FLT1: variants seen among roughly 807,000 people sequenced by gnomAD.
FLT1 encodes the protein vascular endothelial growth factor receptor 1.
Under a neutral mutation model 156.3 loss-of-function variants are expected in FLT1, and 49 were observed. That is an observed-to-expected ratio of 0.31 (90% CI 0.25 to 0.40). The LOEUF is 0.40. Among genes scored for constraint, FLT1 ranks in the 10% least tolerant of loss-of-function variants. The pLI, the probability that FLT1 is intolerant of heterozygous loss-of-function variation, is 1.00. For missense variants in FLT1, 1,322 were observed against 1,637.2 expected (o/e 0.81, Z 3.32); for synonymous variants, 594 against 583.8 (o/e 1.02, Z -0.25).
chr13:28,412,322 TTTC>T, intron 10 of FLT1, among the ~76,000 whole-genome samples: 1 of 36,286 alleles, frequency 2.8e-5, no homozygotes, highest in African/African-American at 6.7e-5. Flanking sequence ...TCTTTCTTTC[TTTC>T]TTTCTTTTCT....
At chr13:28,427,017 C>T (rs899276820) in intron 10 of FLT1, 142 bp downstream of exon 10, 6 of 785,360 alleles carry the variant, frequency 7.6e-6, no homozygotes, top group African/African-American at 3.4e-5. Flanking sequence ...CTGTTGCCCA[C>T]CTTTTTCCAA....
At chr13:28,348,990 C>T (rs546539228) in intron 15 of FLT1, among the ~76,000 whole-genome samples, 2 of 152,172 alleles carry the variant, frequency 1.3e-5, no homozygotes, top group Non-Finnish European at 2.9e-5. Context: ...TAGACCACCA[C>T]CTCTGTTGCA....
chr13:28,416,300 G>A (rs1205723840), intron 10 of FLT1, among the ~76,000 whole-genome samples: 4 of 152,180 alleles, frequency 2.6e-5, no homozygotes, highest in Non-Finnish European at 5.9e-5. Context: ...ATCTCTTGAT[G>A]TCACCACACT....
intron 1 of FLT1, among the ~76,000 whole-genome samples, chr13:28,488,699 T>G (rs1404713918): frequency 1.3e-5 from 2 of 152,084 alleles, no homozygotes; most frequent in Non-Finnish European, 2.9e-5. Flanking sequence ...TAAGAACATG[T>G]CTCGCACCTA....
At chr13:28,437,598 A>G (rs1878101907) in intron 4 of FLT1, among the ~76,000 whole-genome samples, 1 of 152,162 alleles carries the variant, frequency 6.6e-6, no homozygotes, top group South Asian at 2.1e-4. Flanking sequence ...TCATAGGTTT[A>G]GTTTTTGTCT....
In FLT1 at chr13:28,322,995, C is replaced by A. The variant is rs376741097; in HGVS notation, c.2797-49G>T. On this transcript the variant is annotated intron_variant, in intron 20 of 29. Transcript: ENST00000282397. The surrounding 1 kb of genome is among the most constrained non-coding windows in gnomAD (Gnocchi z 4.3). The stretch of plus-strand genomic sequence containing the variant: ...CAGGTGAAAAGGAGCTCCAGCACAG[C>A]AGTGGGAAACCAGTCCCTCAACTGG... 13 of 1,599,390 alleles carry A rather than the reference C, an allele frequency of 8.1e-6. No homozygotes were observed. The African/African-American group carries it at 1.5e-4, about 18-fold the overall frequency.
At chr13:28,326,427 T>C (rs1871679995) in intron 20 of FLT1, among the ~76,000 whole-genome samples, 1 of 152,168 alleles carries the variant, frequency 6.6e-6, no homozygotes, top group Non-Finnish European at 1.5e-5. Context: ...CTGGACTTCT[T>C]CAGCTCAGAG....
chr13:28,368,472 T>C, intron 14 of FLT1: 2 of 1,502,364 alleles, frequency 1.3e-6, no homozygotes, highest in Non-Finnish European at 8.9e-7. Context: ...GTTATGATTG[T>C]CTTGGCTCTC....
intron 29 of FLT1, among the ~76,000 whole-genome samples, 153 bp downstream of exon 29, chr13:28,306,525 C>T (rs1341606004): frequency 2.6e-5 from 4 of 151,898 alleles, no homozygotes; most frequent in Non-Finnish European, 1.5e-5. Flanking sequence ...CCTTTTTTTG[C>T]CCTCTGGGGG....
rs554166254 is a variant in FLT1, at chr13:28,301,933, C to T, written c.*1234G>A. On this transcript the variant is annotated 3_prime_UTR_variant, in exon 30 of 30. Transcript: ENST00000282397. ...CAAGGAGCTTAAAGTGCTTAATATG[C>T]GCCAGCTAATGCTCTTCCACATCCT... is the stretch of plus-strand genomic sequence containing the variant. 12 of 233,564 alleles carry T rather than the reference C, an allele frequency of 5.1e-5. No individual in the cohort carries two copies. The East Asian group carries it at 6.0e-4, about 12-fold the overall frequency. 14.5% of individuals were successfully genotyped at this position (233,564 alleles called of 1,614,324 possible).
chr13:28,332,124 A>T (rs547526490), intron 18 of FLT1, among the ~76,000 whole-genome samples: 1 of 152,164 alleles, frequency 6.6e-6, no homozygotes, highest in East Asian at 1.9e-4. Flanking sequence ...GCTATTTGAG[A>T]GGCTGAGGTG....
intron 1 of FLT1, among the ~76,000 whole-genome samples, chr13:28,491,974 T>C (rs891212571): frequency 1.3e-5 from 2 of 152,170 alleles, no homozygotes; most frequent in South Asian, 4.2e-4. Context: ...GGAACTGGAG[T>C]AAGTAGTCAC....
At chr13:28,399,278 A>G (rs575716775) in intron 11 of FLT1, among the ~76,000 whole-genome samples, 2 of 152,260 alleles carry the variant, frequency 1.3e-5, no homozygotes, top group East Asian at 3.9e-4. Flanking sequence ...TTTTTTTATG[A>G]AGTTAGTTCT....
At chr13:28,493,664 T>C (rs1881583019) in intron 1 of FLT1, among the ~76,000 whole-genome samples, 1 of 152,220 alleles carries the variant, frequency 6.6e-6, no homozygotes, top group Non-Finnish European at 1.5e-5. Flanking sequence ...CTCCGAAATC[T>C]GGCTCTCTGC....
At chr13:28,475,440 T>C (rs902623823) in intron 1 of FLT1, among the ~76,000 whole-genome samples, 1 of 152,236 alleles carries the variant, frequency 6.6e-6, no homozygotes, top group Non-Finnish European at 1.5e-5. Context: ...CTAAGTATCA[T>C]GTTTCTAAAA....
At chr13:28,447,787 CAT>C (rs1354196393) in intron 3 of FLT1, among the ~76,000 whole-genome samples, 1 of 150,562 alleles carries the variant, frequency 6.6e-6, no homozygotes, top group Admixed American at 6.6e-5. Context: ...AATATATAAA[CAT>C]ATGTTTAGAA....
chr13:28,303,250 C>T lies in FLT1; in HGVS notation c.3934G>A (p.Ala1312Thr), dbSNP rs747687298. 94 of 1,613,774 alleles carry T rather than the reference C, an allele frequency of 5.8e-5. No homozygotes were observed. The highest frequency in any genetic ancestry group is 7.3e-5 in the Non-Finnish European group (86 of 1,180,016). ...EGKRRFTYDH[A>T]ELERKIACCS... ...CACGCGATTTTCCTTTCCAGCTCAG[C>T]GTGGTCGTAGGTGAACCTGCGCTTG... The change falls in exon 30 of 30, where the codon GCT (alanine) becomes ACT (threonine). Residue 1312 changes from alanine (A) to threonine (T), a missense_variant. Around this residue, in one of 3 missense-constraint regions of FLT1, gnomAD observed 329 missense variants for 366.2 expected, o/e 0.90. Transcript: ENST00000282397.
intron 2 of FLT1, 29 bp from the exon 3 acceptor site, chr13:28,467,158 T>C (rs376618358): frequency 1.6e-5 from 25 of 1,543,202 alleles, no homozygotes; most frequent in Non-Finnish European, 2.1e-5. Context: ...AAACAAAACA[T>C]ATTTATGGCT....
chr13:28,383,923 C>A (rs1363383736), intron 14 of FLT1, among the ~76,000 whole-genome samples: 1 of 152,130 alleles, frequency 6.6e-6, no homozygotes. Context: ...CATGTCATAC[C>A]ATTTTATATA....
Sources: allele counts gnomAD v4.1 joint callset (sites outside exome capture counted in the v4.1 genomes callset), GRCh38; gene constraint gnomAD v4.1.1; regional missense constraint gnomAD v4.1.1; non-coding constraint Gnocchi (gnomAD v3.1); transcripts MANE v1.5; gene names NCBI Gene and HGNC (gene_info 2026-07-23, HGNC 2026-07-21).